DDAH1: variants seen among roughly 807,000 people sequenced by gnomAD.
DDAH1 encodes the protein dimethylarginine dimethylaminohydrolase 1.
A neutral mutation model predicts 28.8 loss-of-function variants in DDAH1; 19 were observed. The observed-to-expected ratio is 0.66, with a 90% confidence interval of 0.46 to 0.97. The LOEUF (loss-of-function observed/expected upper bound fraction) is 0.97, where lower values mean the gene tolerates loss of function less well. DDAH1 is among the 50% of genes least tolerant of loss of function. The pLI is 0.00. For missense variants in DDAH1, 326 were observed against 375.9 expected (o/e 0.87, Z 1.10); for synonymous variants, 153 against 154.4 (o/e 0.99, Z 0.07).
intron 4 of DDAH1, 137 bp downstream of exon 4, chr1:85,350,278 G>T: frequency 9.1e-7 from 1 of 1,095,806 alleles, no homozygotes; most frequent in Non-Finnish European, 1.3e-6. Context: ...TCACAACAGT[G>T]CACATCACAG....
chr1:85,364,487 T>C (rs573315510), intron 1 of DDAH1, among the ~76,000 whole-genome samples: 1 of 152,144 alleles, frequency 6.6e-6, no homozygotes, highest in South Asian at 2.1e-4. Flanking sequence ...ACCCTTTGAT[T>C]TGGAGATGCC....
intron 2 of DDAH1, among the ~76,000 whole-genome samples, chr1:85,491,475 G>A (rs1056370335): frequency 6.6e-5 from 10 of 152,200 alleles, no homozygotes; most frequent in African/African-American, 1.7e-4. Flanking sequence ...AGAGATCATA[G>A]TTGCTAGGAT....
Position 85,465,082 on chromosome 1 carries a change from G to C in DDAH1, c.-37C>G, listed in dbSNP as rs1655312709. ...GCTTAGGGGCGGCGGCGGCGGCGGAGGCGGCCGGGTCCTGCCGCGGGCAGC... is the reference window on the plus strand; with the variant it reads ...GCTTAGGGGCGGCGGCGGCGGCGGACGCGGCCGGGTCCTGCCGCGGGCAGC... On this transcript the variant is annotated 5_prime_UTR_variant, in exon 1 of 6. Transcript: ENST00000284031. 8.2e-7 allele frequency: 1 copy of C among 1,217,882 alleles called. No homozygotes were observed. The highest frequency in any genetic ancestry group is 4.4e-5 in the Admixed American group (1 of 22,862). 75.4% of individuals were successfully genotyped at this position (1,217,882 alleles called of 1,614,324 possible).
At chr1:85,392,566 G>A (rs576467881) in intron 1 of DDAH1, among the ~76,000 whole-genome samples, 8 of 151,970 alleles carry the variant, frequency 5.3e-5, no homozygotes, top group African/African-American at 9.6e-5. Context: ...AGGCTGAGGC[G>A]GGCGGATCAC....
chr1:85,486,410 T>G (rs1656205571), intron 2 of DDAH1, among the ~76,000 whole-genome samples: 1 of 152,190 alleles, frequency 6.6e-6, no homozygotes, highest in African/African-American at 2.4e-5. Flanking sequence ...CTGACAGAAT[T>G]CAGCTCTTAC....
At chr1:85,565,188 C>T (rs565984460) in intron 1 of DDAH1, among the ~76,000 whole-genome samples, 2 of 144,136 alleles carry the variant, frequency 1.4e-5, no homozygotes, top group Non-Finnish European at 3.0e-5. Context: ...GGCAATGGAA[C>T]GAGACTCCGT....
intron 1 of DDAH1, among the ~76,000 whole-genome samples, chr1:85,512,090 A>G (rs12410951): frequency 0.019 from 2,856 of 152,330 alleles, 51 homozygotes; most frequent in East Asian, 0.078. Flanking sequence ...CATCGATGCG[A>G]AAATCCTCAA....
At chr1:85,465,194 T>G (rs1432646618), upstream of DDAH1, 3 of 1,125,298 alleles carry the variant, frequency 2.7e-6, no homozygotes. Context: ...CCCGGAGCCC[T>G]GCCCGCGCGA....
intron 5 of DDAH1, 137 bp from the exon 6 acceptor site, chr1:85,321,705 C>G (rs1005704995): frequency 2.3e-5 from 16 of 688,814 alleles, no homozygotes; most frequent in Admixed American, 4.3e-5. Context: ...CTCAACCACA[C>G]ACATGCCCAC....
intron 1 of DDAH1, among the ~76,000 whole-genome samples, chr1:85,508,436 T>A (rs1345042113): frequency 6.6e-6 from 1 of 152,328 alleles, no homozygotes; most frequent in South Asian, 2.1e-4. Context: ...CATTTCCAAC[T>A]GCAGTACCTG....
intron 1 of DDAH1, among the ~76,000 whole-genome samples, chr1:85,529,218 G>A (rs1263384416): frequency 2.6e-5 from 4 of 152,064 alleles, no homozygotes; most frequent in Non-Finnish European, 4.4e-5. Context: ...CTAATTCAGA[G>A]GTCCTTCACT....
chr1:85,549,131 T>G (rs901921380), intron 1 of DDAH1, among the ~76,000 whole-genome samples: 2 of 152,220 alleles, frequency 1.3e-5, no homozygotes, highest in African/African-American at 4.8e-5. Context: ...TCACTCTGTA[T>G]GAAAGCATGG....
intron 1 of DDAH1, among the ~76,000 whole-genome samples, chr1:85,565,225 A>T (rs1266545032): frequency 1.3e-5 from 2 of 152,138 alleles, no homozygotes; most frequent in Non-Finnish European, 2.9e-5. Flanking sequence ...AAAGAAGAAC[A>T]AATTTTTGAA....
intron 1 of DDAH1, among the ~76,000 whole-genome samples, chr1:85,457,197 A>T (rs939269029): frequency 1.3e-4 from 20 of 152,138 alleles, no homozygotes; most frequent in Non-Finnish European, 2.5e-4. Flanking sequence ...TCAATTCTAC[A>T]TCTTCTCAAC....
intron 1 of DDAH1, among the ~76,000 whole-genome samples, chr1:85,363,702 T>C (rs1396859664): frequency 6.6e-6 from 1 of 152,222 alleles, no homozygotes; most frequent in Non-Finnish European, 1.5e-5. Context: ...CACTATATTG[T>C]CTGAGGTCAT....
At chr1:85,337,456 A>T (rs1042238689) in intron 4 of DDAH1, among the ~76,000 whole-genome samples, 66 of 145,060 alleles carry the variant, frequency 4.5e-4, no homozygotes, top group Admixed American at 3.0e-3. Flanking sequence ...AATAAAACTA[A>T]TTTTTTTTTT....
chr1:85,437,133 G>A (rs575992417), intron 1 of DDAH1, among the ~76,000 whole-genome samples: 2 of 152,210 alleles, frequency 1.3e-5, no homozygotes, highest in East Asian at 1.9e-4. Context: ...CCTGCCACCA[G>A]CCCCTCCACA....
At chr1:85,387,783 G>C (rs1337946327) in intron 1 of DDAH1, among the ~76,000 whole-genome samples, 2 of 152,278 alleles carry the variant, frequency 1.3e-5, no homozygotes, top group Middle Eastern at 3.4e-3. Context: ...GGATACTGGA[G>C]GCTGGGTAAT....
At chr1:85,411,527 T>G (rs1652655402) in intron 1 of DDAH1, among the ~76,000 whole-genome samples, 1 of 152,144 alleles carries the variant, frequency 6.6e-6, no homozygotes, top group East Asian at 1.9e-4. Context: ...TTGCATGAGC[T>G]CATCTGGGGG....
Sources: allele counts gnomAD v4.1 joint callset (sites outside exome capture counted in the v4.1 genomes callset), GRCh38; gene constraint gnomAD v4.1.1; transcripts MANE v1.5; gene names NCBI Gene and HGNC (gene_info 2026-07-23, HGNC 2026-07-21).